The following TMX3 variants were observed in gnomAD, a reference collection of about 807,000 sequenced individuals.
The protein encoded by TMX3 is thioredoxin related transmembrane protein 3, also known as protein disulfide-isomerase TMX3.
A neutral mutation model predicts 64.4 loss-of-function variants in TMX3; 40 were observed. That is an observed-to-expected ratio of 0.62 (90% CI 0.48 to 0.81). The LOEUF is 0.81. Among genes scored for constraint, TMX3 ranks in the 30% least tolerant of loss-of-function variants. The pLI is 0.00. For missense variants in TMX3, 497 were observed against 534.5 expected (o/e 0.93, Z 0.69); for synonymous variants, 189 against 175.7 (o/e 1.08, Z -0.60).
chr18:68,714,787 G>T, intron 1 of TMX3, 149 bp downstream of exon 1: 1 of 1,124,080 alleles, frequency 8.9e-7, no homozygotes, highest in Non-Finnish European at 1.2e-6. Context: ...GCAGGGTGGC[G>T]CGGCGGGGGC....
intron 1 of TMX3, chr18:68,714,136 AAT>A (rs2031628224): frequency 1.1e-5 from 3 of 275,972 alleles, no homozygotes; most frequent in African/African-American, 6.5e-5. Flanking sequence ...CAATAAATCT[AAT>A]ACACACAGTT....
intron 4 of TMX3, 21 bp from the exon 5 acceptor site, chr18:68,701,811 A>T (rs1382110382): frequency 1.2e-6 from 2 of 1,601,408 alleles, no homozygotes; most frequent in Non-Finnish European, 1.7e-6. Flanking sequence ...AAAAGAATAA[A>T]GCATTCTAAA....
At chr18:68,679,158 C>CT (rs1465657570) in intron 15 of TMX3, among the ~76,000 whole-genome samples, 4 of 152,102 alleles carry the variant, frequency 2.6e-5, no homozygotes, top group African/African-American at 9.7e-5. Context: ...ATTATCTGCA[C>CT]TTTCAACAAA....
chr18:68,705,408 CAA>C (rs1287694127), intron 4 of TMX3, among the ~76,000 whole-genome samples: 1 of 152,100 alleles, frequency 6.6e-6, no homozygotes, highest in African/African-American at 2.4e-5. Flanking sequence ...AGTCACTGAC[CAA>C]AAAGAGTTTA....
intron 4 of TMX3, among the ~76,000 whole-genome samples, chr18:68,705,978 G>A (rs1361776182): frequency 6.6e-6 from 1 of 152,176 alleles, no homozygotes; most frequent in Non-Finnish European, 1.5e-5. Context: ...TGATCACTTT[G>A]AATAGTCTTA....
rs1003408870 is a variant in TMX3 at position 68,675,689 on chromosome 18, T to C, written c.*1244A>G. The C allele has an allele frequency of 1.6e-4, 25 of 152,140 alleles. No individual in the cohort carries two copies. The highest frequency in any genetic ancestry group is 6.0e-4 in the African/African-American group (25 of 41,440). The allele number at this position is 152,140 out of a possible 1,614,324, so 9.4% of individuals were successfully genotyped here. ...ATATAAATTCTAAACTTAGCTAAAATGAAGGCCTCAAAAATAATTTATCTA... is the reference window on the plus strand; with the variant it reads ...ATATAAATTCTAAACTTAGCTAAAACGAAGGCCTCAAAAATAATTTATCTA... On this transcript the variant is annotated 3_prime_UTR_variant, in exon 16 of 16. Transcript: ENST00000299608.
At chr18:68,688,426 T>A (rs1275145197) in intron 9 of TMX3, 1 of 152,138 alleles carries the variant, frequency 6.6e-6, no homozygotes, top group African/African-American at 2.4e-5. Context: ...AAATATAATA[T>A]CTAAGAGAAA....
chr18:68,708,507 A>C (rs74605709), intron 4 of TMX3, among the ~76,000 whole-genome samples: 1,814 of 152,274 alleles, frequency 0.012, 20 homozygotes, highest in Middle Eastern at 0.037. Context: ...CTGTGATTTT[A>C]GTATGGGACA....
Position 68,676,655 on chromosome 18 carries a change from CA to C in TMX3, c.*277del, listed in dbSNP as rs1912948804. The stretch of plus-strand genomic sequence containing the variant: ...TCTTAACTTTTTGTCACAGAATATT[CA>C]GATAGAGAAACATGCAAATAGAATT... On this transcript the variant is annotated 3_prime_UTR_variant, in exon 16 of 16. Transcript: ENST00000299608. 4 of 350,354 alleles carry C rather than the reference CA, an allele frequency of 1.1e-5. No homozygotes were observed. In the South Asian group the frequency reaches 1.7e-4, roughly 15 times the overall value. 21.7% of individuals were successfully genotyped at this position (350,354 alleles called of 1,614,324 possible).
intron 4 of TMX3, among the ~76,000 whole-genome samples, chr18:68,706,040 C>T (rs1426074242): frequency 6.6e-6 from 1 of 152,230 alleles, no homozygotes; most frequent in Non-Finnish European, 1.5e-5. Flanking sequence ...ACATTCTACA[C>T]TTTGTGGTTT....
intron 4 of TMX3, among the ~76,000 whole-genome samples, chr18:68,703,766 T>C (rs890617228): frequency 2.0e-5 from 3 of 152,032 alleles, no homozygotes; most frequent in African/African-American, 4.8e-5. Flanking sequence ...CCGTCTCTAC[T>C]AAAACTACAA....
At chr18:68,703,525 C>T (rs975366175) in intron 4 of TMX3, among the ~76,000 whole-genome samples, 1 of 152,162 alleles carries the variant, frequency 6.6e-6, no homozygotes, top group African/African-American at 2.4e-5. Flanking sequence ...GTATTCACAT[C>T]GAGACAATGG....
intron 12 of TMX3, 130 bp from the exon 13 acceptor site, chr18:68,683,111 G>A (rs1913607056): frequency 5.5e-6 from 4 of 723,634 alleles, no homozygotes; most frequent in Non-Finnish European, 9.1e-6. Flanking sequence ...AGTAGGCCCA[G>A]AAACTGTAAA....
intron 9 of TMX3, among the ~76,000 whole-genome samples, chr18:68,689,275 G>A (rs113542822): frequency 0.011 from 1,682 of 152,214 alleles, 12 homozygotes; most frequent in African/African-American, 0.018. Flanking sequence ...TTCCTTAAGC[G>A]TGGGAGAATG....
intron 7 of TMX3, 46 bp from the exon 8 acceptor site, chr18:68,697,349 G>A: frequency 8.7e-7 from 1 of 1,148,164 alleles, no homozygotes; most frequent in Non-Finnish European, 1.2e-6. Flanking sequence ...AATATTAAAG[G>A]CCAAAATTCA....
At position 68,676,494 on chromosome 18, in the gene TMX3, A is replaced by T. The variant is rs765051295; in HGVS notation, c.*439T>A. On this transcript the variant is annotated 3_prime_UTR_variant, in exon 16 of 16. Coordinates refer to ENST00000299608, the MANE Select transcript of TMX3 (RefSeq NM_019022.5). ...GTTCTCCTTAAAGTGCCTAAATTTT[A>T]AAGACTTAATTTTGTCCATATAAAT... 1 of 157,320 alleles carries T rather than the reference A, an allele frequency of 6.4e-6. No homozygotes were observed. Among genetic ancestry groups the T allele is most frequent in the Non-Finnish European group, 1.4e-5 (1 of 71,448 alleles). 9.7% of individuals were successfully genotyped at this position (157,320 alleles called of 1,614,324 possible). A position where few individuals can be genotyped will look rare whatever the true frequency, so the allele number is the denominator to read the frequency against.
At position 68,684,255 on chromosome 18, in the gene TMX3, C is replaced by T. The variant is rs985153625; in HGVS notation, c.795-12G>A. On this transcript the variant is annotated splice_polypyrimidine_tract_variant and intron_variant, in intron 11 of 15. Coordinates refer to ENST00000299608, the MANE Select transcript of TMX3 (RefSeq NM_019022.5). Reference sequence around the variant, plus strand: ...TAATTGACTTCAATCTGTAGAAGAACAAACATATGAATAGTTCATCTCTGC... The same window carrying T: ...TAATTGACTTCAATCTGTAGAAGAATAAACATATGAATAGTTCATCTCTGC... 1.4e-5 allele frequency: 23 copies of T among 1,607,008 alleles called. No homozygotes were observed. Among genetic ancestry groups the T allele is most frequent in the Non-Finnish European group, 1.9e-5 (22 of 1,174,732 alleles).
chr18:68,694,341 C>A (rs941717244), intron 8 of TMX3, among the ~76,000 whole-genome samples: 5 of 152,212 alleles, frequency 3.3e-5, no homozygotes, highest in African/African-American at 7.2e-5. Flanking sequence ...TTGTGTTCCC[C>A]TTGTCTAGAT....
intron 4 of TMX3, among the ~76,000 whole-genome samples, chr18:68,705,563 T>C (rs1352686293): frequency 6.6e-6 from 1 of 152,176 alleles, no homozygotes; most frequent in Non-Finnish European, 1.5e-5. Context: ...ACACTTAGGT[T>C]GGAGAGTAAC....
Sources: gnomAD v4.1 joint callset for allele counts (sites outside exome capture counted in the v4.1 genomes callset) on GRCh38, gnomAD v4.1.1 for gene constraint, MANE v1.5 for transcripts, NCBI Gene and HGNC (gene_info 2026-07-23, HGNC 2026-07-21) for gene names.